Variants in HAL observed in about 807,000 individuals in gnomAD.
HAL encodes the protein histidine ammonia-lyase, also known as histidase.
HAL carries 85 observed loss-of-function variants against 81.1 expected under a neutral mutation model. The observed-to-expected ratio is 1.05, with a 90% CI of 0.88 to 1.25. The LOEUF (loss-of-function observed/expected upper bound fraction) is 1.25, where lower values mean the gene tolerates loss of function less well. Among genes scored for constraint, HAL ranks in the 50% most tolerant of loss-of-function variants. The probability of loss-of-function intolerance (pLI) is 0.00; values close to 1 mark genes in which losing one functional copy is unlikely to be tolerated. For missense variants in HAL, 798 were observed against 836.6 expected, an observed-to-expected ratio of 0.95 and a Z score of 0.57; for synonymous variants, 301 against 309.2, an observed-to-expected ratio of 0.97 and a Z score of 0.28.
At chr12:95,982,196 G>C (rs2080802877) in intron 15 of HAL, among the ~76,000 whole-genome samples, 1 of 152,068 alleles carries the variant, frequency 6.6e-6, no homozygotes, top group South Asian at 2.1e-4. Context: ...TGTGTGATGG[G>C]GCTCCGTATC....
chr12:95,992,596 TC>T, intron 9 of HAL, 83 bp downstream of exon 9: 1 of 1,223,448 alleles, frequency 8.2e-7, no homozygotes. Flanking sequence ...CTCAGGTGAT[TC>T]CTCAGCATCT....
intron 20 of HAL, among the ~76,000 whole-genome samples, chr12:95,975,347 CTTTTTTT>C (rs35532808): frequency 0.011 from 1,607 of 141,988 alleles, 22 homozygotes; most frequent in African/African-American, 0.037. Flanking sequence ...CCTCTTTTTT[CTTTTTTT>C]TTTTTTTTCT....
chr12:95,995,066 G>C (rs745879477), intron 2 of HAL, 73 bp from the exon 3 acceptor site: 14 of 1,130,250 alleles, frequency 1.2e-5, no homozygotes, highest in African/African-American at 3.1e-5. Context: ...ACCAAGGAAC[G>C]GCCCATCATT....
chr12:95,977,808 G>T (rs1450249781), intron 18 of HAL, 136 bp downstream of exon 18: 5 of 886,078 alleles, frequency 5.6e-6, no homozygotes, highest in Non-Finnish European at 9.2e-6. Flanking sequence ...TAGCCAGCCT[G>T]CAAGGAGGCC....
At position 95,986,161 on chromosome 12, in the gene HAL, C is replaced by T. The variant is rs758225199; in HGVS notation, c.1052-1G>A. ...CGGTGAGGTCGAAGAGCATGAATGT[C>T]TAGAATTGATGAAGGAGAAAAAGTC... On this transcript the variant is annotated splice_acceptor_variant, in intron 12 of 20. Coordinates refer to ENST00000261208, the MANE Select transcript of HAL (RefSeq NM_002108.4). LOFTEE classifies it high-confidence loss of function. 4 of 1,556,862 alleles carry T rather than the reference C, an allele frequency of 2.6e-6. No homozygotes were observed. The highest frequency in any genetic ancestry group is 2.7e-6 in the Non-Finnish European group (3 of 1,127,882).
At position 95,974,194 on chromosome 12, in the gene HAL, T is replaced by C; in HGVS notation, c.*38A>G. 6.3e-7 allele frequency: 1 copy of C among 1,593,778 alleles called. No homozygotes were observed. Among genetic ancestry groups the C allele is most frequent in the Non-Finnish European group, 8.6e-7 (1 of 1,161,400 alleles). ...AGCCTAGTATTGCTTTGTGCTAAAC[T>C]GACTGCCCTCTCATCTGCTACTTCA... On this transcript the variant is annotated 3_prime_UTR_variant, in exon 21 of 21. Transcript: ENST00000261208.
chr12:95,995,195 C>A, intron 2 of HAL: 1 of 627,210 alleles, frequency 1.6e-6, no homozygotes, highest in Admixed American at 2.6e-5. Context: ...AGGGCAGAGA[C>A]CAGGGGTTTA....
intron 15 of HAL, among the ~76,000 whole-genome samples, chr12:95,981,809 A>G (rs564394352): frequency 1.3e-5 from 2 of 152,344 alleles, no homozygotes; most frequent in African/African-American, 4.8e-5. Flanking sequence ...GCAAGCACCC[A>G]GGAAAAGGCA....
chr12:95,989,471 T>C (rs1445679305), intron 10 of HAL: 2 of 152,308 alleles, frequency 1.3e-5, no homozygotes, highest in African/African-American at 4.8e-5. Context: ...AGAACGTATT[T>C]GTACCAGACC....
chr12:95,995,788 G>T lies in HAL; in HGVS notation c.123C>A (p.Asp41Glu). Reference sequence around the variant, plus strand: ...CATCCACGGAGGTGAAGCCACCATTGTCGGGCTTATTCTTGATATAGCGCC... The same window carrying T: ...CATCCACGGAGGTGAAGCCACCATTTTCGGGCTTATTCTTGATATAGCGCC... Reference protein sequence around the residue: ...AVRRYIKNKPDNGGFTSVDDA... With the variant: ...AVRRYIKNKPENGGFTSVDDA... The change falls in exon 2 of 21, where the codon GAC becomes GAA. Residue 41 changes from aspartate to glutamate, a missense_variant. Transcript: ENST00000261208. 6.2e-7 allele frequency: 1 copy of T among 1,613,564 alleles called. No individual in the cohort carries two copies. The highest frequency in any genetic ancestry group is 8.5e-7 in the Non-Finnish European group (1 of 1,180,032).
intron 4 of HAL, among the ~76,000 whole-genome samples, chr12:95,994,431 C>T (rs1438203557): frequency 6.6e-6 from 1 of 152,198 alleles, no homozygotes; most frequent in Admixed American, 6.5e-5. Flanking sequence ...AGTCTCCAGC[C>T]CAGGCTGGAG....
Position 95,985,624 on chromosome 12 carries a change from C to CAAA in HAL, c.1206+281_1206+283dup, listed in dbSNP as rs56285140. Among the ~76,000 whole-genome samples the CAAA allele has an allele frequency of 1.3e-3, 103 of 77,100 alleles. 1 individual carries two copies. Among genetic ancestry groups the CAAA allele is most frequent in the East Asian group, 2.5e-3 (5 of 2,026 alleles). The allele number at this position is 77,100 out of a possible 152,430, so 50.6% of individuals were successfully genotyped here. On this transcript the variant is annotated intron_variant, in intron 14 of 20. Transcript: ENST00000261208. ...GAGGTTATTTGTTGGTTGTCTGTCT[C>CAAA]AAAAAAAAAAAAAAAAAAAAAAAGA...
chr12:95,989,284 C>T (rs1185624966), intron 10 of HAL, among the ~76,000 whole-genome samples: 3 of 152,212 alleles, frequency 2.0e-5, no homozygotes, highest in African/African-American at 7.2e-5. Flanking sequence ...CTCCTGGGCT[C>T]AAGTGATCCT....
chr12:95,987,107 G>A lies in HAL; in HGVS notation c.1011C>T (p.Thr337=), dbSNP rs751355915. 6.2e-7 allele frequency: 1 copy of A among 1,613,236 alleles called. No individual in the cohort carries two copies. Among genetic ancestry groups the A allele is most frequent in the South Asian group, 1.1e-5 (1 of 91,052 alleles). ...ARQADIVAAL[T]LEVLKGTTKA... is the part of the protein sequence containing the mutation. ...TGGTGGTGCCCTTCAGCACCTCAAG[G>A]GTCAGGGCTGCCACAATGTCAGCCT... The change falls in exon 12 of 21, where the codon ACC becomes ACT. Residue 337 remains threonine, a synonymous_variant. Transcript: ENST00000261208.
rs574389889 is a variant in HAL at position 95,990,115 on chromosome 12, T to G, written c.855+278A>C. Among the ~76,000 whole-genome samples the G allele has an allele frequency of 2.6e-5, 4 of 152,286 alleles. No homozygotes were observed. The East Asian group carries it at 7.7e-4, about 29-fold the overall frequency. ...TGACCTCCCTGCTAGGCACTGGAAA[T>G]GTTGTAGGTGCAGGATAAATAGTTG... On this transcript the variant is annotated intron_variant, in intron 10 of 20. Coordinates refer to ENST00000261208, the MANE Select transcript of HAL (RefSeq NM_002108.4).
chr12:95,995,680 G>A lies in HAL; in HGVS notation c.231C>T (p.Asn77=), dbSNP rs934467127. ...EDRLEVALEN[N]EFVEVVIEGD... is the part of the protein sequence containing the mutation. ...GCCACTCACCCACTTCCACGAACTCGTTGTTCTCTAGGGCCACCTCGAGCC... is the reference window on the plus strand; with the variant it reads ...GCCACTCACCCACTTCCACGAACTCATTGTTCTCTAGGGCCACCTCGAGCC... Residue 77 remains asparagine, a synonymous_variant, in exon 2 of 21, where the codon AAC becomes AAT. Transcript: ENST00000261208. 9.9e-6 allele frequency: 16 copies of A among 1,613,308 alleles called. No homozygotes were observed. The African/African-American group carries it at 1.6e-4, about 16-fold the overall frequency.
chr12:95,993,733 G>T, intron 7 of HAL, 39 bp downstream of exon 7: 1 of 1,064,204 alleles, frequency 9.4e-7, no homozygotes. Flanking sequence ...AAAAGATGAG[G>T]GTAGGTGGAA....
chr12:95,973,411 A>G lies in HAL; in HGVS notation c.*821T>C, dbSNP rs1192109137. 1.3e-5 allele frequency: 2 copies of G among 152,202 alleles called. No homozygotes were observed. Among genetic ancestry groups the G allele is most frequent in the African/African-American group, 4.8e-5 (2 of 41,442 alleles). The allele number at this position is 152,202 out of a possible 1,614,324, so 9.4% of individuals were successfully genotyped here. A position where few individuals can be genotyped will look rare whatever the true frequency, so the allele number is the denominator to read the frequency against. On this transcript the variant is annotated 3_prime_UTR_variant, in exon 21 of 21. Transcript: ENST00000261208. The stretch of plus-strand genomic sequence containing the variant: ...CAGAAAGGAGGTTGGTTAATCCCCA[A>G]AGATTCCTTATCTGTGAAATGAGGA...
chr12:95,987,280 T>A (rs925318520), intron 11 of HAL, 66 bp from the exon 12 acceptor site: 26 of 1,355,206 alleles, frequency 1.9e-5, no homozygotes, highest in Non-Finnish European at 2.6e-5. Flanking sequence ...CCCGTGGATT[T>A]TGTATCTTTT....
Sources: allele counts gnomAD v4.1 joint callset (sites outside exome capture counted in the v4.1 genomes callset), GRCh38; gene constraint gnomAD v4.1.1; transcripts MANE v1.5; gene names NCBI Gene and HGNC (gene_info 2026-07-23, HGNC 2026-07-21).